LMNB1: variants seen among roughly 807,000 people sequenced by gnomAD.
LMNB1 encodes lamin-B1.
Under a neutral mutation model 67.1 loss-of-function variants are expected in LMNB1, and 23 were observed. The ratio of observed to expected loss-of-function variants is 0.34; its 90% CI spans 0.25 to 0.49. LMNB1 has a LOEUF of 0.49. Ranked by LOEUF, LMNB1 falls within the 20% of genes least tolerant of loss-of-function variation. The pLI is 0.99. For missense variants in LMNB1, 634 were observed against 746.5 expected, an observed-to-expected ratio of 0.85 and a Z score of 1.76; for synonymous variants, 281 against 282.9, an observed-to-expected ratio of 0.99 and a Z score of 0.07.
chr5:126,787,535 TATATATATA>T (rs1282754684), intron 1 of LMNB1, among the ~76,000 whole-genome samples: 5 of 96,092 alleles, frequency 5.2e-5, no homozygotes, highest in Admixed American at 1.2e-4. Context: ...TATATATATA[TATATATATA>T]TATTTTTTTT....
Position 126,821,078 on chromosome 5 carries a change from C to T in LMNB1, c.1329C>T (p.Cys443=). Residue 443 remains cysteine, a synonymous_variant, in exon 7 of 11, where the codon TGC becomes TGT. Coordinates refer to ENST00000261366, the MANE Select transcript of LMNB1 (RefSeq NM_005573.4). ...SHSASATGNV[C]IEEIDVDGKF... is the part of the protein sequence containing the mutation. ...CCGCCTCAGCCACTGGAAATGTTTG[C>T]ATCGAAGAAATTGATGTTGATGGGA... 2 of 1,614,016 alleles carry T rather than the reference C, an allele frequency of 1.2e-6. No homozygotes were observed. Among genetic ancestry groups the T allele is most frequent in the Non-Finnish European group, 1.7e-6 (2 of 1,179,982 alleles).
Position 126,777,938 on chromosome 5 carries a change from G to A in LMNB1, c.359+71G>A, listed in dbSNP as rs796496632. On this transcript the variant is annotated intron_variant, in intron 1 of 10. Transcript: ENST00000261366. ...GCGCAACCGCGGCGACCAGCTCACC[G>A]GGTTCTGCCGTGGGGAGGGAGCAGA... 4.4e-6 allele frequency: 6 copies of A among 1,354,268 alleles called. No homozygotes were observed. In the African/African-American group the frequency reaches 9.2e-5, roughly 21 times the overall value. The allele number at this position is 1,354,268 out of a possible 1,614,324, so 83.9% of individuals were successfully genotyped here.
chr5:126,805,122 G>T (rs929157309), intron 2 of LMNB1, among the ~76,000 whole-genome samples, 190 bp downstream of exon 2: 1 of 152,118 alleles, frequency 6.6e-6, no homozygotes, highest in African/African-American at 2.4e-5. Context: ...CACCTCCCAG[G>T]CATTATATCT....
At chr5:126,798,875 A>G (rs1302618628) in intron 1 of LMNB1, among the ~76,000 whole-genome samples, 1 of 152,050 alleles carries the variant, frequency 6.6e-6, no homozygotes. Context: ...CTTGCCCTCA[A>G]AGGGTTTACA....
chr5:126,829,476 A>G (rs1284928141), intron 9 of LMNB1, among the ~76,000 whole-genome samples: 1 of 151,956 alleles, frequency 6.6e-6, no homozygotes, highest in Non-Finnish European at 1.5e-5. Flanking sequence ...GTCTTACCCA[A>G]TTAAATGAAT....
At chr5:126,786,034 AG>A (rs1750771864) in intron 1 of LMNB1, among the ~76,000 whole-genome samples, 1 of 150,982 alleles carries the variant, frequency 6.6e-6, no homozygotes, top group Non-Finnish European at 1.5e-5. Flanking sequence ...GAAAAGATGC[AG>A]GAAAAAAAAA....
chr5:126,823,572 G>T (rs1198252715), intron 8 of LMNB1, among the ~76,000 whole-genome samples: 1 of 152,156 alleles, frequency 6.6e-6, no homozygotes, highest in African/African-American at 2.4e-5. Flanking sequence ...AGATTTCAAA[G>T]AAGTCACTCT....
At chr5:126,784,861 A>G (rs1374240219) in intron 1 of LMNB1, among the ~76,000 whole-genome samples, 1 of 148,442 alleles carries the variant, frequency 6.7e-6, no homozygotes, top group Non-Finnish European at 1.5e-5. Context: ...GCTGGGTTTC[A>G]CCGTGTTAGC....
intron 7 of LMNB1, 116 bp from the exon 8 acceptor site, chr5:126,822,665 G>A: frequency 1.7e-6 from 1 of 577,800 alleles, no homozygotes; most frequent in Non-Finnish European, 3.0e-6. Context: ...TGAAATGTGG[G>A]AAGATGACCA....
chr5:126,832,492 G>A (rs913701323), intron 9 of LMNB1, among the ~76,000 whole-genome samples: 1 of 152,008 alleles, frequency 6.6e-6, no homozygotes, highest in Non-Finnish European at 1.5e-5. Flanking sequence ...TAGAGACGGG[G>A]TTTCACCATG....
Position 126,808,050 on chromosome 5 carries a change from T to A in LMNB1, c.643-2130T>A, listed in dbSNP as rs751297200. On this transcript the variant is annotated intron_variant, in intron 3 of 10. Coordinates refer to ENST00000261366, the MANE Select transcript of LMNB1 (RefSeq NM_005573.4). ...CCATGCCCGGCTAAGTTTTGTATTT[T>A]TAGTAGAGACAGGGTTTCACCACAT... Among the ~76,000 whole-genome samples, 61 of 152,098 alleles carry A rather than the reference T, an allele frequency of 4.0e-4. 1 individual carries two copies. The highest frequency in any genetic ancestry group is 1.8e-4 in the Non-Finnish European group (12 of 68,028).
chr5:126,832,687 T>A lies in LMNB1; in HGVS notation c.1612-7T>A, dbSNP rs1224895874. The A allele has an allele frequency of 6.3e-7, 1 of 1,596,786 alleles. No homozygotes were observed. Reference sequence around the variant, plus strand: ...TGTTTTTTAACTTAAACTACTATTGTTTTTAGGAGGTTGCTCAAAGAAGTA... The same window carrying A: ...TGTTTTTTAACTTAAACTACTATTGATTTTAGGAGGTTGCTCAAAGAAGTA... On this transcript the variant is annotated splice_polypyrimidine_tract_variant and splice_region_variant and intron_variant, in intron 9 of 10. Coordinates refer to ENST00000261366, the MANE Select transcript of LMNB1 (RefSeq NM_005573.4).
chr5:126,798,224 G>A lies in LMNB1; in HGVS notation c.360-6552G>A, dbSNP rs1323082204. ...TCCCAGCACTTTGGGAGGCCAAGGC[G>A]GTTGGATCACGAGGTCAGTAGTTGA... On this transcript the variant is annotated intron_variant, in intron 1 of 10. Transcript: ENST00000261366. Among the ~76,000 whole-genome samples, 6 of 151,972 alleles carry A rather than the reference G, an allele frequency of 3.9e-5. No homozygotes were observed. The South Asian group carries it at 8.3e-4, about 21-fold the overall frequency.
At chr5:126,793,596 C>T (rs1289532811) in intron 1 of LMNB1, among the ~76,000 whole-genome samples, 1 of 152,130 alleles carries the variant, frequency 6.6e-6, no homozygotes, top group Non-Finnish European at 1.5e-5. Context: ...ATCACAAGGC[C>T]GGGCATGGTG....
intron 1 of LMNB1, among the ~76,000 whole-genome samples, chr5:126,797,679 A>G (rs1288098932): frequency 4.6e-5 from 7 of 152,226 alleles, no homozygotes; most frequent in African/African-American, 1.7e-4. Flanking sequence ...ATATTGATGA[A>G]TGAAAAATAA....
intron 9 of LMNB1, among the ~76,000 whole-genome samples, chr5:126,831,744 T>C (rs1440394391): frequency 6.6e-6 from 1 of 152,200 alleles, no homozygotes; most frequent in Non-Finnish European, 1.5e-5. Context: ...TGAATTCATG[T>C]TGAGTTTTAT....
chr5:126,789,927 C>T (rs927439197), intron 1 of LMNB1, among the ~76,000 whole-genome samples: 3 of 152,060 alleles, frequency 2.0e-5, no homozygotes, highest in African/African-American at 7.2e-5. Flanking sequence ...CCTGCCTCGG[C>T]CTCCCAAAGT....
chr5:126,777,424 T>C lies in LMNB1; in HGVS notation c.-85T>C. On this transcript the variant is annotated 5_prime_UTR_variant, in exon 1 of 11. Coordinates refer to ENST00000261366, the MANE Select transcript of LMNB1 (RefSeq NM_005573.4). ...GAGCGCAGGTCGCCGGTTTGTGCCT[T>C]CGGTCCCCGCTTCGCCCCCTGCCGT... 8.0e-7 allele frequency: 1 copy of C among 1,248,576 alleles called. No individual in the cohort carries two copies. The allele number at this position is 1,248,576 out of a possible 1,614,324, so 77.3% of individuals were successfully genotyped here.
intron 1 of LMNB1, among the ~76,000 whole-genome samples, chr5:126,804,012 T>TC (rs1219119372): frequency 6.6e-6 from 1 of 152,168 alleles, no homozygotes; most frequent in Non-Finnish European, 1.5e-5. Flanking sequence ...AGTTTCAGTA[T>TC]CATGCATTGG....
Sources: gnomAD v4.1 joint callset for allele counts (sites outside exome capture counted in the v4.1 genomes callset) on GRCh38, gnomAD v4.1.1 for gene constraint, MANE v1.5 for transcripts, NCBI Gene and HGNC (gene_info 2026-07-23, HGNC 2026-07-21) for gene names.